Variants in PTPRN2 observed in about 807,000 individuals in gnomAD.
PTPRN2 encodes receptor-type tyrosine-protein phosphatase N2.
In PTPRN2, 74 loss-of-function variants were observed where a neutral mutation model predicts 118.8. That is an observed-to-expected ratio of 0.62 (90% CI 0.52 to 0.76). The LOEUF (loss-of-function observed/expected upper bound fraction) is 0.76, where lower values mean the gene tolerates loss of function less well. Among genes scored for constraint, PTPRN2 ranks in the 30% least tolerant of loss-of-function variants. The probability of loss-of-function intolerance (pLI) is 0.00; values close to 1 mark genes in which losing one functional copy is unlikely to be tolerated. For synonymous variants in PTPRN2, 641 were observed against 608.0 expected (o/e 1.05, Z -0.80); for missense variants, 1,481 against 1,394.4 (o/e 1.06, Z -0.99).
At position 157,801,906 on chromosome 7, in the gene PTPRN2, C is replaced by G. The variant is rs1398519039; in HGVS notation, c.1788+96767G>C. On this transcript the variant is annotated intron_variant, in intron 12 of 22. Coordinates refer to ENST00000389418, the MANE Select transcript of PTPRN2 (RefSeq NM_002847.5). This position sits in a 1 kb window ranked among gnomAD's most constrained non-coding sequence, Gnocchi z 4.2. ...TATTCTCTCACAGGAGGCCACGGTC[C>G]AGATGGGTTTCACTGAGCTGAAGTC... Among the ~76,000 whole-genome samples, 1 of 152,184 alleles carries G rather than the reference C, an allele frequency of 6.6e-6. No individual in the cohort carries two copies. Among genetic ancestry groups the G allele is most frequent in the African/African-American group, 2.4e-5 (1 of 41,442 alleles).
chr7:157,857,051 G>A (rs1480399738), intron 12 of PTPRN2, among the ~76,000 whole-genome samples: 1 of 120,864 alleles, frequency 8.3e-6, no homozygotes, highest in African/African-American at 2.6e-5. Flanking sequence ...CAGCTTGGGC[G>A]CCATGAGTGG....
intron 2 of PTPRN2, among the ~76,000 whole-genome samples, chr7:158,332,591 T>C (rs1218709826): frequency 3.2e-4 from 49 of 150,850 alleles, no homozygotes; most frequent in African/African-American, 1.1e-3. Context: ...ACACCCACAC[T>C]CTCACCATAA....
intron 11 of PTPRN2, among the ~76,000 whole-genome samples, chr7:158,068,440 C>A (rs1563383865): frequency 6.6e-6 from 1 of 152,184 alleles, no homozygotes; most frequent in Non-Finnish European, 1.5e-5. Context: ...AGGTGGGTGC[C>A]CAGCACCACC....
At chr7:158,442,725 G>A (rs1391732100) in intron 2 of PTPRN2, among the ~76,000 whole-genome samples, 1 of 152,210 alleles carries the variant, frequency 6.6e-6, no homozygotes, top group African/African-American at 2.4e-5. Context: ...CAGCCATGCA[G>A]CGTTCCGCCT....
chr7:158,532,723 C>A (rs114151270), intron 1 of PTPRN2: 5 of 534,316 alleles, frequency 9.4e-6, no homozygotes, highest in Admixed American at 3.9e-5. Context: ...CAGCAACAGG[C>A]GCTTCCTCCA....
rs2151063348 is a variant in PTPRN2 at position 157,785,724 on chromosome 7, G to GCT, written c.1789-102788_1789-102787insAG. Among the ~76,000 whole-genome samples the GCT allele has an allele frequency of 6.6e-6, 1 of 152,322 alleles. No homozygotes were observed. Among genetic ancestry groups the GCT allele is most frequent in the African/African-American group, 2.4e-5 (1 of 41,578 alleles). ...GATGGGCATGGGGCCGGCCTGGGAA[G>GCT]CATGGCGGGAGGGGAGAAGAATCGC... On this transcript the variant is annotated intron_variant, in intron 12 of 22. Coordinates refer to ENST00000389418, the MANE Select transcript of PTPRN2 (RefSeq NM_002847.5). This position sits in a 1 kb window ranked among gnomAD's most constrained non-coding sequence, Gnocchi z 7.3.
At chr7:157,938,882 T>C (rs2128788426) in intron 11 of PTPRN2, among the ~76,000 whole-genome samples, 1 of 152,324 alleles carries the variant, frequency 6.6e-6, no homozygotes, top group Non-Finnish European at 1.5e-5. Context: ...AACCTGCCGG[T>C]GTCAAGATGC....
At chr7:157,705,764 G>A (rs149964992) in intron 12 of PTPRN2, among the ~76,000 whole-genome samples, 142 of 151,074 alleles carry the variant, frequency 9.4e-4, no homozygotes, top group African/African-American at 3.4e-3. Flanking sequence ...TCTGACCCAG[G>A]TGCCTTCCGG....
intron 7 of PTPRN2, among the ~76,000 whole-genome samples, chr7:158,137,441 AAATT>A (rs1366773099): frequency 1.3e-5 from 2 of 152,102 alleles, no homozygotes; most frequent in East Asian, 3.9e-4. Context: ...AATAATAAAT[AAATT>A]AATTAATATC....
chr7:158,169,848 C>T (rs369661339), intron 5 of PTPRN2, among the ~76,000 whole-genome samples: 3 of 151,146 alleles, frequency 2.0e-5, no homozygotes, highest in Admixed American at 6.6e-5. Context: ...CCCTTCACCA[C>T]GCCCTGCTAA....
chr7:158,441,017 C>CGTGGTG (rs199869049), intron 2 of PTPRN2, among the ~76,000 whole-genome samples: 1 of 122,086 alleles, frequency 8.2e-6, no homozygotes, highest in Non-Finnish European at 1.7e-5. Context: ...TGGTGGTAGT[C>CGTGGTG]GTGGTGGTGG....
intron 3 of PTPRN2, among the ~76,000 whole-genome samples, chr7:158,293,305 G>A (rs544580451): frequency 5.9e-5 from 9 of 152,014 alleles, no homozygotes; most frequent in East Asian, 3.9e-4. Context: ...GGCTGGGCAC[G>A]GTGACTCACG....
At position 158,263,620 on chromosome 7, in the gene PTPRN2, G is replaced by T. The variant is rs141056813; in HGVS notation, c.277+53199C>A. Among the ~76,000 whole-genome samples the T allele has an allele frequency of 5.4e-4, 83 of 152,330 alleles. 1 individual carries two copies. The highest frequency in any genetic ancestry group is 1.3e-4 in the Non-Finnish European group (9 of 68,038). ...CAGAGCCTCTGGGTGCTGGGTGAGG[G>T]TCTACTTCCAAATTCCTCTCCCGGG... On this transcript the variant is annotated intron_variant, in intron 3 of 22. Coordinates refer to ENST00000389418, the MANE Select transcript of PTPRN2 (RefSeq NM_002847.5).
intron 10 of PTPRN2, among the ~76,000 whole-genome samples, chr7:158,085,360 C>T (rs1813252362): frequency 8.0e-6 from 1 of 125,068 alleles, no homozygotes; most frequent in Non-Finnish European, 1.7e-5. Flanking sequence ...CCCATCCACA[C>T]CCACGACGCC....
At chr7:158,083,935 G>A (rs1053544436) in intron 10 of PTPRN2, among the ~76,000 whole-genome samples, 7 of 152,254 alleles carry the variant, frequency 4.6e-5, no homozygotes, top group African/African-American at 1.2e-4. Context: ...ACTTGAATAT[G>A]TGCAGGCTCT....
At chr7:158,268,239 C>G in intron 3 of PTPRN2, among the ~76,000 whole-genome samples, 1 of 152,118 alleles carries the variant, frequency 6.6e-6, no homozygotes, top group Non-Finnish European at 1.5e-5. Flanking sequence ...TGTGAGATAT[C>G]CCAGCCGCAC....
rs1301388328 is a variant in PTPRN2 at position 158,034,671 on chromosome 7, G to GA, written c.1723+46626_1723+46627insT. 3.9e-5 allele frequency among the ~76,000 whole-genome samples: 6 copies of GA among 152,348 alleles called. No individual in the cohort carries two copies. In the East Asian group the frequency reaches 1.2e-3, roughly 29 times the overall value. ...AAAAAACTAACACAGGCTGGGAGGG[G>GA]CCCATGCTAGGCCAAGATCTGGAAA... On this transcript the variant is annotated intron_variant, in intron 11 of 22. Transcript: ENST00000389418.
rs549511471 is a variant in PTPRN2 at position 158,018,979 on chromosome 7, A to C, written c.1723+62319T>G. Among the ~76,000 whole-genome samples the C allele has an allele frequency of 6.4e-4, 97 of 151,238 alleles. 1 individual carries two copies. The East Asian group carries it at 0.015, about 24-fold the overall frequency. ...TTGTTTCAAAAACAAAAAAAAAAAA[A>C]AAAAAAAAAAAAGAGAATATAAGAA... is the stretch of plus-strand genomic sequence containing the variant. On this transcript the variant is annotated intron_variant, in intron 11 of 22. Coordinates refer to ENST00000389418, the MANE Select transcript of PTPRN2 (RefSeq NM_002847.5).
At chr7:158,478,413 T>C (rs1184384282) in intron 2 of PTPRN2, among the ~76,000 whole-genome samples, 1 of 151,994 alleles carries the variant, frequency 6.6e-6, no homozygotes, top group East Asian at 1.9e-4. Context: ...TGGACGCCAC[T>C]GGGGAAGAGT....
Sources: allele counts gnomAD v4.1 joint callset (sites outside exome capture counted in the v4.1 genomes callset), GRCh38; gene constraint gnomAD v4.1.1; non-coding constraint Gnocchi (gnomAD v3.1); transcripts MANE v1.5; gene names NCBI Gene and HGNC (gene_info 2026-07-23, HGNC 2026-07-21).